The following ODAD2 variants were observed in gnomAD, a reference collection of about 807,000 sequenced individuals.
ODAD2 encodes outer dynein arm-docking complex subunit 2.
A neutral mutation model predicts 106.8 loss-of-function variants in ODAD2; 89 were observed. The ratio of observed to expected loss-of-function variants is 0.83; its 90% CI spans 0.70 to 0.99. The LOEUF (loss-of-function observed/expected upper bound fraction) is 0.99, where lower values mean the gene tolerates loss of function less well. Ranked by LOEUF, ODAD2 falls within the 50% of genes least tolerant of loss-of-function variation. The pLI is 0.00. For missense variants in ODAD2, 1,168 were observed against 1,238.5 expected (o/e 0.94, Z 0.85); for synonymous variants, 404 against 436.2 (o/e 0.93, Z 0.92).
At chr10:27,851,999 G>A (rs1359317554) in intron 19 of ODAD2, among the ~76,000 whole-genome samples, 1 of 152,144 alleles carries the variant, frequency 6.6e-6, no homozygotes, top group Non-Finnish European at 1.5e-5. Flanking sequence ...CTAAAACAAT[G>A]CAGGTGATAA....
intron 19 of ODAD2, among the ~76,000 whole-genome samples, chr10:27,827,412 T>TA (rs1837152527): frequency 7.2e-6 from 1 of 139,272 alleles, no homozygotes; most frequent in African/African-American, 2.7e-5. Context: ...TATATATATA[T>TA]TCCATGTTTC....
chr10:27,940,566 T>C lies in ODAD2; in HGVS notation c.1983A>G (p.Ser661=). The C allele has an allele frequency of 6.2e-7, 1 of 1,614,010 alleles. No homozygotes were observed. The highest frequency in any genetic ancestry group is 8.5e-7 in the Non-Finnish European group (1 of 1,179,926). The stretch of plus-strand genomic sequence containing the variant: ...GAAGCAGAACTGGCATGAGTACCTC[T>C]GATGCACACTCTTGCAATGTCCCCA... The part of the protein sequence containing the change: ...PVVGTLQECA[S]EENYRAAIKA... Residue 661 remains serine (S), a synonymous_variant, in exon 13 of 20, where the codon TCA becomes TCG. Coordinates refer to ENST00000305242, the MANE Select transcript of ODAD2 (RefSeq NM_018076.5).
At chr10:27,829,231 C>G (rs967244675) in intron 19 of ODAD2, among the ~76,000 whole-genome samples, 2 of 152,136 alleles carry the variant, frequency 1.3e-5, no homozygotes, top group African/African-American at 4.8e-5. Flanking sequence ...AAGAAGAGCA[C>G]AATTTTTCTT....
chr10:27,941,606 T>TG (rs1214250320), intron 12 of ODAD2, among the ~76,000 whole-genome samples: 7 of 150,154 alleles, frequency 4.7e-5, no homozygotes, highest in African/African-American at 1.7e-4. Context: ...GTTTTTTTTT[T>TG]TTTTTTTTTT....
chr10:27,935,324 C>A, intron 15 of ODAD2, 72 bp from the exon 16 acceptor site: 1 of 1,545,282 alleles, frequency 6.5e-7, no homozygotes, highest in South Asian at 1.2e-5. Context: ...AATGTTCATT[C>A]AATCCTTACA....
At chr10:27,902,880 CT>C (rs1843310733) in intron 17 of ODAD2, among the ~76,000 whole-genome samples, 1 of 152,154 alleles carries the variant, frequency 6.6e-6, no homozygotes, top group South Asian at 2.1e-4. Flanking sequence ...CAAAGAGGAG[CT>C]GGGACCATTC....
intron 6 of ODAD2, among the ~76,000 whole-genome samples, chr10:27,983,555 T>C (rs1217534136): frequency 6.6e-6 from 1 of 152,232 alleles, no homozygotes; most frequent in Non-Finnish European, 1.5e-5. Context: ...ATTTGGAAGC[T>C]GTGTAATGAA....
At chr10:27,842,399 C>A (rs542305096) in intron 19 of ODAD2, among the ~76,000 whole-genome samples, 1 of 152,232 alleles carries the variant, frequency 6.6e-6, no homozygotes, top group African/African-American at 2.4e-5. Context: ...TGGATAGACA[C>A]TAAGCATACA....
chr10:27,885,368 G>A (rs1842002012), intron 17 of ODAD2, among the ~76,000 whole-genome samples: 4 of 147,616 alleles, frequency 2.7e-5, no homozygotes, highest in Non-Finnish European at 4.5e-5. Context: ...TAATTAGCCA[G>A]GCATGGTGGC....
intron 16 of ODAD2, among the ~76,000 whole-genome samples, chr10:27,919,152 C>A (rs1844600338): frequency 6.6e-6 from 1 of 151,844 alleles, no homozygotes. Flanking sequence ...CATTCATTTA[C>A]AATCAGTTGA....
intron 17 of ODAD2, among the ~76,000 whole-genome samples, chr10:27,879,307 A>G (rs1841552908): frequency 6.6e-6 from 1 of 152,116 alleles, no homozygotes. Context: ...CCAATGATGT[A>G]TTTGGAAGAA....
intron 17 of ODAD2, among the ~76,000 whole-genome samples, chr10:27,873,110 C>A (rs992127619): frequency 6.6e-6 from 1 of 151,216 alleles, no homozygotes; most frequent in Non-Finnish European, 1.5e-5. Context: ...AGGAATTTAT[C>A]CATTTCTTCT....
In ODAD2 at chr10:27,881,185, T is replaced by C. The variant is rs188157190; in HGVS notation, c.2611-18563A>G. Among the ~76,000 whole-genome samples the C allele has an allele frequency of 7.8e-4, 119 of 152,352 alleles. 1 individual carries two copies. The highest frequency in any genetic ancestry group is 3.5e-4 in the Non-Finnish European group (24 of 68,032). On this transcript the variant is annotated intron_variant, in intron 17 of 19. Coordinates refer to ENST00000305242, the MANE Select transcript of ODAD2 (RefSeq NM_018076.5). ...ATGATAATACTGTTTTTTATTATTA[T>C]TTTTAGAAAGTATGTGTTACCAATA...
At chr10:27,965,089 G>C (rs1338418998) in intron 9 of ODAD2, among the ~76,000 whole-genome samples, 1 of 152,064 alleles carries the variant, frequency 6.6e-6, no homozygotes. Context: ...TTTCCTCTTG[G>C]GGTTTCAGGT....
intron 16 of ODAD2, among the ~76,000 whole-genome samples, chr10:27,930,231 T>C (rs990492096): frequency 1.3e-5 from 2 of 152,152 alleles, no homozygotes; most frequent in Non-Finnish European, 2.9e-5. Flanking sequence ...GGTTGCCTTA[T>C]AAAATCTTTT....
At chr10:27,849,311 C>T (rs1383462550) in intron 19 of ODAD2, among the ~76,000 whole-genome samples, 1 of 150,120 alleles carries the variant, frequency 6.7e-6, no homozygotes, top group Non-Finnish European at 1.5e-5. Context: ...AACAGAAAAC[C>T]AAAGACTGCA....
chr10:27,922,390 T>C (rs1237222916), intron 16 of ODAD2, among the ~76,000 whole-genome samples: 1 of 152,028 alleles, frequency 6.6e-6, no homozygotes, highest in African/African-American at 2.4e-5. Context: ...ATGCATAGAT[T>C]ATATAAGTAA....
intron 10 of ODAD2, among the ~76,000 whole-genome samples, chr10:27,948,510 C>T (rs903328341): frequency 1.3e-5 from 2 of 152,140 alleles, no homozygotes; most frequent in African/African-American, 4.8e-5. Context: ...TGAGAAGAAA[C>T]CATGCAAATA....
intron 19 of ODAD2, among the ~76,000 whole-genome samples, chr10:27,816,701 ATGG>A (rs1836160364): frequency 6.6e-6 from 1 of 152,218 alleles, no homozygotes; most frequent in Non-Finnish European, 1.5e-5. Context: ...GACAAGATCC[ATGG>A]TATGACCATG....
Sources: allele counts gnomAD v4.1 joint callset (sites outside exome capture counted in the v4.1 genomes callset), GRCh38; gene constraint gnomAD v4.1.1; transcripts MANE v1.5; gene names NCBI Gene and HGNC (gene_info 2026-07-23, HGNC 2026-07-21).